SNTG2: variants seen among roughly 807,000 people sequenced by gnomAD.
SNTG2 encodes the protein syntrophin gamma 2.
SNTG2 carries 74 observed loss-of-function variants against 70.9 expected under a neutral mutation model. The observed-to-expected ratio is 1.04, with a 90% CI of 0.86 to 1.27. The LOEUF is 1.27. SNTG2 is among the 50% of genes most tolerant of loss of function. The pLI is 0.00. For missense variants in SNTG2, 717 were observed against 690.7 expected, an observed-to-expected ratio of 1.04 and a Z score of -0.43; for synonymous variants, 278 against 273.8, an observed-to-expected ratio of 1.02 and a Z score of -0.15.
chr2:1,131,841 G>A (rs892994638), intron 4 of SNTG2, among the ~76,000 whole-genome samples: 11 of 151,856 alleles, frequency 7.2e-5, no homozygotes, highest in African/African-American at 2.7e-4. Context: ...TAGTAGAGAC[G>A]GGATTTCACT....
chr2:1,230,811 G>T (rs1676169692), intron 9 of SNTG2, among the ~76,000 whole-genome samples: 1 of 152,246 alleles, frequency 6.6e-6, no homozygotes, highest in Admixed American at 6.5e-5. Flanking sequence ...ACCCTGTGCA[G>T]TTGAAATGAC....
intron 16 of SNTG2, among the ~76,000 whole-genome samples, chr2:1,332,722 A>G (rs1232187411): frequency 6.6e-6 from 1 of 152,222 alleles, no homozygotes. Context: ...TCATCTCAAT[A>G]GATGCAGGTA....
At chr2:1,037,779 A>C (rs1422043912) in intron 1 of SNTG2, among the ~76,000 whole-genome samples, 2 of 151,974 alleles carry the variant, frequency 1.3e-5, no homozygotes, top group Non-Finnish European at 2.9e-5. Flanking sequence ...TCAGTTCTTC[A>C]TTTTCTTTGA....
chr2:1,274,411 T>C (rs1488124446), intron 14 of SNTG2, among the ~76,000 whole-genome samples: 1 of 152,208 alleles, frequency 6.6e-6, no homozygotes, highest in Non-Finnish European at 1.5e-5. Context: ...ACAGAAAGAA[T>C]GAATTATTGG....
chr2:1,316,712 G>A (rs962288782), intron 16 of SNTG2, among the ~76,000 whole-genome samples: 2 of 129,396 alleles, frequency 1.5e-5, no homozygotes, highest in African/African-American at 5.6e-5. Flanking sequence ...GCCAGCATTC[G>A]AGAAGGTTGG....
chr2:1,218,548 C>T (rs1485332085), intron 9 of SNTG2, among the ~76,000 whole-genome samples: 1 of 152,206 alleles, frequency 6.6e-6, no homozygotes, highest in East Asian at 1.9e-4. Flanking sequence ...GAGCCAGGCT[C>T]CTGCCCATAG....
intron 14 of SNTG2, among the ~76,000 whole-genome samples, chr2:1,301,199 G>A (rs1680442300): frequency 1.3e-5 from 2 of 152,248 alleles, no homozygotes; most frequent in East Asian, 1.9e-4. Flanking sequence ...TCAGTGGATG[G>A]TGGGGAAGGG....
At chr2:1,066,165 C>T (rs1228475811) in intron 1 of SNTG2, among the ~76,000 whole-genome samples, 1 of 152,112 alleles carries the variant, frequency 6.6e-6, no homozygotes, top group Non-Finnish European at 1.5e-5. Context: ...CATAAAAATC[C>T]ATGCTTCAGA....
chr2:1,126,782 T>TATTC (rs1572507884), intron 4 of SNTG2, among the ~76,000 whole-genome samples: 1 of 152,232 alleles, frequency 6.6e-6, no homozygotes, highest in African/African-American at 2.4e-5. Context: ...GAGAAATGTC[T>TATTC]ATTCAGCTGA....
rs547242413 is a variant in SNTG2, at chr2:1,021,713, G to A, written c.73-61805G>A. ...CACCTCCTGGCACCTCCTGGCTCAA[G>A]CAATCCTCCCACCCCAGCCTCCTGA... On this transcript the variant is annotated intron_variant, in intron 1 of 16. Coordinates refer to ENST00000308624, the MANE Select transcript of SNTG2 (RefSeq NM_018968.4). 1.4e-4 allele frequency among the ~76,000 whole-genome samples: 21 copies of A among 151,774 alleles called. No homozygotes were observed. In the South Asian group the frequency reaches 3.5e-3, roughly 26 times the overall value.
intron 8 of SNTG2, among the ~76,000 whole-genome samples, chr2:1,178,368 T>C (rs1032070821): frequency 2.0e-5 from 3 of 152,090 alleles, no homozygotes; most frequent in Admixed American, 6.6e-5. Context: ...AGAGGACATC[T>C]CTGTCTTGTG....
At chr2:1,276,830 C>T (rs1466935396) in intron 14 of SNTG2, among the ~76,000 whole-genome samples, 1 of 152,178 alleles carries the variant, frequency 6.6e-6, no homozygotes, top group Non-Finnish European at 1.5e-5. Context: ...ATTTGTGACT[C>T]ATGGGAGGAC....
intron 6 of SNTG2, among the ~76,000 whole-genome samples, chr2:1,165,256 T>G (rs1048045411): frequency 6.6e-6 from 1 of 152,190 alleles, no homozygotes; most frequent in Non-Finnish European, 1.5e-5. Flanking sequence ...TCTGGTAGAT[T>G]GCATTCATAG....
chr2:996,757 T>C (rs577861970), intron 1 of SNTG2, among the ~76,000 whole-genome samples: 1 of 145,800 alleles, frequency 6.9e-6, no homozygotes, highest in East Asian at 2.2e-4. Flanking sequence ...TTGGAGATGC[T>C]GGGGTACCTA....
At chr2:1,115,919 T>C (rs1269064648) in intron 4 of SNTG2, among the ~76,000 whole-genome samples, 2 of 152,234 alleles carry the variant, frequency 1.3e-5, no homozygotes, top group African/African-American at 2.4e-5. Context: ...TTCTGCCCTT[T>C]TGAGTGGCCC....
At chr2:1,194,023 G>A (rs909006069) in intron 8 of SNTG2, among the ~76,000 whole-genome samples, 4 of 152,248 alleles carry the variant, frequency 2.6e-5, no homozygotes, top group African/African-American at 9.6e-5. Flanking sequence ...AGAGTGGGCA[G>A]ATGAGGTATG....
intron 16 of SNTG2, among the ~76,000 whole-genome samples, chr2:1,349,644 T>A (rs1228640491): frequency 6.6e-6 from 1 of 152,170 alleles, no homozygotes; most frequent in Admixed American, 6.5e-5. Flanking sequence ...CAAGGTGGGG[T>A]CACTTATGCT....
chr2:1,304,308 C>T (rs1241226361), intron 14 of SNTG2, among the ~76,000 whole-genome samples: 3 of 152,194 alleles, frequency 2.0e-5, no homozygotes, highest in Non-Finnish European at 4.4e-5. Context: ...ATTGGGAGAG[C>T]ATTTTCCTTA....
At chr2:1,063,433 A>G (rs1161380473) in intron 1 of SNTG2, among the ~76,000 whole-genome samples, 1 of 152,164 alleles carries the variant, frequency 6.6e-6, no homozygotes, top group Non-Finnish European at 1.5e-5. Flanking sequence ...GGGCCGAGAG[A>G]AGAGTTCCCT....
Sources: gnomAD v4.1 joint callset for allele counts (sites outside exome capture counted in the v4.1 genomes callset) on GRCh38, gnomAD v4.1.1 for gene constraint, MANE v1.5 for transcripts, NCBI Gene and HGNC (gene_info 2026-07-23, HGNC 2026-07-21) for gene names.